STON2: variants seen among roughly 807,000 people sequenced by gnomAD.
The protein encoded by STON2 is stonin-2.
A neutral mutation model predicts 65.7 loss-of-function variants in STON2; 29 were observed. The observed-to-expected ratio is 0.44, with a 90% confidence interval of 0.33 to 0.60. The LOEUF (loss-of-function observed/expected upper bound fraction) is 0.60, where lower values mean the gene tolerates loss of function less well. STON2 is among the 20% of genes least tolerant of loss of function. The pLI is 0.03. For synonymous variants in STON2, 404 were observed against 414.2 expected (o/e 0.98, Z 0.30); for missense variants, 1,054 against 1,118.1 (o/e 0.94, Z 0.82).
chr14:81,423,352 C>T (rs186884959), intron 2 of STON2, among the ~76,000 whole-genome samples: 2 of 152,308 alleles, frequency 1.3e-5, no homozygotes, highest in Non-Finnish European at 1.5e-5. Flanking sequence ...AATACACATA[C>T]ATGCAACATT....
chr14:81,349,406 C>T (rs1263795896), intron 4 of STON2, among the ~76,000 whole-genome samples: 3 of 152,004 alleles, frequency 2.0e-5, no homozygotes, highest in Non-Finnish European at 4.4e-5. Flanking sequence ...AACCAAATTT[C>T]CCATTAAAAA....
chr14:81,422,057 A>G (rs1595469340), intron 2 of STON2, among the ~76,000 whole-genome samples: 1 of 152,160 alleles, frequency 6.6e-6, no homozygotes, highest in East Asian at 1.9e-4. Flanking sequence ...GAGGGCCTGG[A>G]TTATCTTAGA....
rs552672526 is a variant in STON2, at chr14:81,410,547, T to C, written c.-198-11967A>G. Among the ~76,000 whole-genome samples the C allele has an allele frequency of 1.9e-4, 29 of 152,248 alleles. No individual in the cohort carries two copies. In the South Asian group the frequency reaches 5.0e-3, roughly 26 times the overall value. On this transcript the variant is annotated intron_variant, in intron 2 of 8. Coordinates refer to the STON2 transcript ENST00000553821. The stretch of plus-strand genomic sequence containing the variant: ...ACAAGGAGCTGAACTCTGCCAACAA[T>C]AGGCCATAGCCTGAAGGGGACCCTG...
chr14:81,432,824 T>A (rs1274146032), intron 1 of STON2, among the ~76,000 whole-genome samples: 1 of 152,246 alleles, frequency 6.6e-6, no homozygotes, highest in African/African-American at 2.4e-5. Flanking sequence ...AGAGCCAGCC[T>A]TCAGCAAAAC....
At chr14:81,293,338 TG>T (rs1895637212) in intron 5 of STON2, among the ~76,000 whole-genome samples, 1 of 152,126 alleles carries the variant, frequency 6.6e-6, no homozygotes, top group South Asian at 2.1e-4. Flanking sequence ...CACGCCCAAC[TG>T]ATTTTTGTAT....
At chr14:81,291,858 TACACACACACACACACACAC>T (rs59366676) in intron 5 of STON2, among the ~76,000 whole-genome samples, 1 of 137,726 alleles carries the variant, frequency 7.3e-6, no homozygotes, top group African/African-American at 2.7e-5. Context: ...TTAGCATGGG[TACACACACACACACACACAC>T]ACACACACAC....
upstream of STON2, among the ~76,000 whole-genome samples, chr14:81,403,599 C>T (rs796606122): frequency 1.6e-4 from 25 of 152,242 alleles, no homozygotes; most frequent in African/African-American, 5.5e-4. Context: ...AACTCAATTC[C>T]GTGGCAATGG....
At chr14:81,404,319 A>G (rs540430644), upstream of STON2, among the ~76,000 whole-genome samples, 1 of 152,318 alleles carries the variant, frequency 6.6e-6, no homozygotes, top group African/African-American at 2.4e-5. Flanking sequence ...TATACACCAG[A>G]CTTTAAAGAG....
intron 5 of STON2, among the ~76,000 whole-genome samples, chr14:81,321,121 A>C (rs1896806667): frequency 6.6e-6 from 1 of 152,228 alleles, no homozygotes; most frequent in African/African-American, 2.4e-5. Context: ...AGATGCATGC[A>C]GCGTGTCTGG....
intron 7 of STON2, chr14:81,269,694 T>G: frequency 2.0e-6 from 2 of 985,240 alleles, no homozygotes; most frequent in Non-Finnish European, 2.4e-6. Context: ...AATCACCATA[T>G]AAATCCAAGG....
chr14:81,420,786 A>C (rs1901666597), intron 2 of STON2, among the ~76,000 whole-genome samples: 1 of 152,228 alleles, frequency 6.6e-6, no homozygotes, highest in African/African-American at 2.4e-5. Context: ...AATGGTCAAT[A>C]AGAGGGTACC....
chr14:81,333,598 G>C (rs545693378), intron 4 of STON2, among the ~76,000 whole-genome samples: 4 of 152,058 alleles, frequency 2.6e-5, no homozygotes, highest in African/African-American at 9.7e-5. Context: ...GCTGTTAACC[G>C]TAACACTGCA....
At chr14:81,372,812 G>A (rs769040088) in intron 3 of STON2, among the ~76,000 whole-genome samples, 5 of 151,994 alleles carry the variant, frequency 3.3e-5, no homozygotes, top group East Asian at 1.9e-4. Flanking sequence ...TTCTCCTGCC[G>A]GGAAAACCAA....
At position 81,356,986 on chromosome 14, in the gene STON2, A is replaced by T. The variant is rs181988938; in HGVS notation, c.571+14002T>A. Among the ~76,000 whole-genome samples, 334 of 152,290 alleles carry T rather than the reference A, an allele frequency of 2.2e-3. 5 individuals carry two copies. Among genetic ancestry groups the T allele is most frequent in the Non-Finnish European group, 1.5e-3 (105 of 68,038 alleles). ...TCCATTACCATTTCAGGACATAGGC[A>T]CGGGCAAGGACTTCATGTCTAAAAC... On this transcript the variant is annotated intron_variant, in intron 4 of 7. Transcript: ENST00000614646.
chr14:81,410,024 G>A (rs28637476), intron 2 of STON2, among the ~76,000 whole-genome samples: 1,739 of 152,198 alleles, frequency 0.011, 31 homozygotes, highest in South Asian at 0.078. Context: ...GAAGGAGACA[G>A]ATTAGTTCAT....
upstream of STON2, among the ~76,000 whole-genome samples, chr14:81,404,486 T>C (rs1337270660): frequency 6.6e-6 from 1 of 152,188 alleles, no homozygotes; most frequent in East Asian, 1.9e-4. Context: ...TAAAATCATA[T>C]ATAAGTAGCC....
intron 3 of STON2, among the ~76,000 whole-genome samples, chr14:81,379,599 A>G (rs552707055): frequency 6.6e-6 from 1 of 152,152 alleles, no homozygotes; most frequent in Admixed American, 6.6e-5. Context: ...TTCAAACTAC[A>G]CCACAGGCTA....
intron 4 of STON2, among the ~76,000 whole-genome samples, chr14:81,360,696 A>G (rs1411720339): frequency 6.6e-6 from 1 of 152,178 alleles, no homozygotes; most frequent in Non-Finnish European, 1.5e-5. Flanking sequence ...AGAAAGAAAT[A>G]AAAGGCATCC....
At chr14:81,343,908 G>A (rs750397119) in intron 4 of STON2, among the ~76,000 whole-genome samples, 17 of 152,168 alleles carry the variant, frequency 1.1e-4, no homozygotes, top group Non-Finnish European at 2.5e-4. Context: ...ACAGAGCAGG[G>A]AAGTGTTAGA....
Sources: gnomAD v4.1 joint callset for allele counts (sites outside exome capture counted in the v4.1 genomes callset) on GRCh38, gnomAD v4.1.1 for gene constraint, MANE v1.5 for transcripts, NCBI Gene and HGNC (gene_info 2026-07-23, HGNC 2026-07-21) for gene names.